The following RNMT variants were observed in gnomAD, a reference collection of about 807,000 sequenced individuals.
RNMT encodes RNA guanine-7 methyltransferase, also known as mRNA cap guanine-N(7) methyltransferase.
RNMT carries 27 observed loss-of-function variants against 56.0 expected under a neutral mutation model. The observed-to-expected ratio is 0.48, with a 90% confidence interval of 0.36 to 0.67. RNMT has a LOEUF of 0.67. Ranked by LOEUF, RNMT falls within the 30% of genes least tolerant of loss-of-function variation. RNMT has a pLI of 0.00. For missense variants in RNMT, 519 were observed against 552.1 expected (o/e 0.94, Z 0.60); for synonymous variants, 184 against 176.2 (o/e 1.04, Z -0.35).
intron 1 of RNMT, among the ~76,000 whole-genome samples, chr18:13,729,599 C>G (rs1303708190): frequency 2.0e-5 from 3 of 152,126 alleles, no homozygotes; most frequent in Non-Finnish European, 2.9e-5. Flanking sequence ...TTCTCTGATT[C>G]AGTTCTATTT....
Position 13,731,622 on chromosome 18 carries a change from C to G in RNMT, c.105C>G (p.Asn35Lys). 1 of 1,614,066 alleles carries G rather than the reference C, an allele frequency of 6.2e-7. No individual in the cohort carries two copies. Among genetic ancestry groups the G allele is most frequent in the Non-Finnish European group, 8.5e-7 (1 of 1,179,992 alleles). Reference sequence around the variant, plus strand: ...AGTCTTCATTCAATATTAATGAAAACACAACAGCTTCTGGGACTGGGCTTT... The same window carrying G: ...AGTCTTCATTCAATATTAATGAAAAGACAACAGCTTCTGGGACTGGGCTTT... ...ETESSFNINE[N>K]TTASGTGLSE... Residue 35 changes from asparagine to lysine, a missense_variant, in exon 3 of 12, where the codon AAC becomes AAG. Asn to Lys is a moderately conservative substitution (Grantham distance 94). Transcript: ENST00000383314.
intron 11 of RNMT, among the ~76,000 whole-genome samples, chr18:13,755,359 G>A (rs114811535): frequency 0.014 from 2,160 of 152,274 alleles, 48 homozygotes; most frequent in African/African-American, 0.049. Flanking sequence ...TGCGTGTAAC[G>A]TTTTTAATCC....
chr18:13,758,745 G>A (rs1180890572), intron 11 of RNMT, among the ~76,000 whole-genome samples: 2 of 152,046 alleles, frequency 1.3e-5, no homozygotes, highest in African/African-American at 2.4e-5. Context: ...CATTCATAAC[G>A]GCTGATTTCA....
At chr18:13,746,119 C>G (rs1311771423) in intron 8 of RNMT, 101 bp from the exon 9 acceptor site, 2 of 663,376 alleles carry the variant, frequency 3.0e-6, no homozygotes, top group Non-Finnish European at 5.4e-6. Context: ...GGAGTGGTAG[C>G]TTTTTTAGTT....
At chr18:13,734,757 A>G (rs2044131253) in intron 4 of RNMT, among the ~76,000 whole-genome samples, 158 bp downstream of exon 4, 2 of 152,190 alleles carry the variant, frequency 1.3e-5, no homozygotes, top group African/African-American at 2.4e-5. Context: ...GTGTTTAATT[A>G]TTATGTTAAT....
At chr18:13,733,660 G>T (rs770109540) in intron 3 of RNMT, among the ~76,000 whole-genome samples, 3 of 152,184 alleles carry the variant, frequency 2.0e-5, no homozygotes, top group Non-Finnish European at 4.4e-5. Flanking sequence ...TTATAGGTAT[G>T]AGCCACCTCA....
chr18:13,735,500 CTTTTT>C (rs5823269), intron 4 of RNMT, among the ~76,000 whole-genome samples: 1 of 138,266 alleles, frequency 7.2e-6, no homozygotes, highest in Non-Finnish European at 1.5e-5. Flanking sequence ...TGAGTGTTCA[CTTTTT>C]TTTTTTTTTT....
intron 11 of RNMT, 43 bp downstream of exon 11, chr18:13,754,190 T>G: frequency 7.3e-7 from 1 of 1,365,854 alleles, no homozygotes; most frequent in Non-Finnish European, 1.0e-6. Context: ...ATTTCAAAAG[T>G]CCTGTTTCAA....
At chr18:13,740,635 G>A (rs2044237418) in intron 6 of RNMT, among the ~76,000 whole-genome samples, 1 of 152,198 alleles carries the variant, frequency 6.6e-6, no homozygotes, top group Admixed American at 6.5e-5. Context: ...GCCTCCCATA[G>A]TGCTGGGATT....
chr18:13,736,900 AGTTTAT>A, intron 4 of RNMT, 104 bp from the exon 5 acceptor site: 1 of 850,686 alleles, frequency 1.2e-6, no homozygotes, highest in Non-Finnish European at 1.8e-6. Flanking sequence ...GATGTGTAAT[AGTTTAT>A]GTTACATATT....
chr18:13,736,733 T>C (rs2044163309), intron 4 of RNMT, among the ~76,000 whole-genome samples: 1 of 152,208 alleles, frequency 6.6e-6, no homozygotes, highest in Admixed American at 6.5e-5. Flanking sequence ...ATTTTAAATA[T>C]CTGCTATTTA....
rs1441290290 is a variant in RNMT, at chr18:13,759,984, A to G, written c.*5A>G. 3 of 1,613,138 alleles carry G rather than the reference A, an allele frequency of 1.9e-6. No individual in the cohort carries two copies. The highest frequency in any genetic ancestry group is 2.5e-6 in the Non-Finnish European group (3 of 1,179,454). ...GCCTTTGAGAAACAGCAGTGAGCACATAGGCAGTAGTCCCAGAGGGGCCGT... is the reference window on the plus strand; with the variant it reads ...GCCTTTGAGAAACAGCAGTGAGCACGTAGGCAGTAGTCCCAGAGGGGCCGT... On this transcript the variant is annotated 3_prime_UTR_variant, in exon 12 of 12. Coordinates refer to ENST00000383314, the MANE Select transcript of RNMT (RefSeq NM_003799.3).
Position 13,762,108 on chromosome 18 carries a change from C to T in RNMT, c.*2129C>T. 2 of 1,536,062 alleles carry T rather than the reference C, an allele frequency of 1.3e-6. No individual in the cohort carries two copies. Among genetic ancestry groups the T allele is most frequent in the Non-Finnish European group, 1.7e-6 (2 of 1,146,852 alleles). On this transcript the variant is annotated 3_prime_UTR_variant, in exon 12 of 12. Coordinates refer to ENST00000383314, the MANE Select transcript of RNMT (RefSeq NM_003799.3). ...GGGCCAGGAAGAGCACCTGTTGCTG[C>T]AAGCTCAGTGAAGTGGGGCACTCCC...
Position 13,752,359 on chromosome 18 carries a change from T to G in RNMT, c.1291T>G (p.Ser431Ala), listed in dbSNP as rs149656559. The stretch of plus-strand genomic sequence containing the variant: ...TGCAAATGAGAGTTCTAAACTTGTC[T>G]CTGAGAAGGTGGATGACTATGAACA... ...YPANESSKLV[S>A]EKVDDYEHAA... is the part of the protein sequence containing the mutation. The change falls in exon 10 of 12, where the codon TCT becomes GCT. Residue 431 changes from serine to alanine, a missense_variant. Ser to Ala is a moderately conservative substitution (Grantham distance 99). Coordinates refer to ENST00000383314, the MANE Select transcript of RNMT (RefSeq NM_003799.3). 1.6e-4 allele frequency: 264 copies of G among 1,613,190 alleles called. No individual in the cohort carries two copies. The highest frequency in any genetic ancestry group is 2.1e-4 in the Non-Finnish European group (250 of 1,179,370).
chr18:13,742,164 C>T (rs2044261487), intron 7 of RNMT, among the ~76,000 whole-genome samples: 1 of 152,034 alleles, frequency 6.6e-6, no homozygotes, highest in African/African-American at 2.4e-5. Flanking sequence ...CATAGTGAGA[C>T]CTTGTCTTTA....
Position 13,763,421 on chromosome 18 carries a change from G to T in RNMT, c.*3442G>T. On this transcript the variant is annotated 3_prime_UTR_variant, in exon 12 of 12. Transcript: ENST00000383314. ...AGTGCCTGCACCTCACCACGATATT[G>T]AGGAAGCACAGGACATCCAAGGGTA... is the stretch of plus-strand genomic sequence containing the variant. The T allele has an allele frequency of 4.2e-6, 1 of 238,028 alleles. No individual in the cohort carries two copies. The highest frequency in any genetic ancestry group is 8.7e-6 in the Non-Finnish European group (1 of 115,376). 14.7% of individuals were successfully genotyped at this position (238,028 alleles called of 1,614,324 possible).
intron 11 of RNMT, among the ~76,000 whole-genome samples, chr18:13,757,331 AT>A (rs150495265): frequency 0.01 from 1,586 of 152,238 alleles, 16 homozygotes; most frequent in African/African-American, 0.028. Flanking sequence ...TTCACAGAAG[AT>A]TTCTCTGTAG....
rs1371827918 is a variant in RNMT, at chr18:13,731,886, T to G, written c.369T>G (p.Thr123=). 20 of 1,603,254 alleles carry G rather than the reference T, an allele frequency of 1.2e-5. No individual in the cohort carries two copies. The highest frequency in any genetic ancestry group is 1.7e-5 in the Non-Finnish European group (20 of 1,177,710). The stretch of plus-strand genomic sequence containing the variant: ...ATAAATCTTCTACTGGAGATGGCAC[T>G]CAAAATAAGAGAAAAATAGCACTTG... ...PKDKSSTGDG[T]QNKRKIALED... is the part of the protein sequence containing the mutation. Residue 123 remains threonine, a synonymous_variant, in exon 3 of 12, where the codon ACT becomes ACG. Transcript: ENST00000383314.
chr18:13,749,484 A>G (rs1345298485), intron 9 of RNMT, among the ~76,000 whole-genome samples: 2 of 152,232 alleles, frequency 1.3e-5, no homozygotes, highest in East Asian at 3.8e-4. Context: ...CAGGATGTTT[A>G]TAAAGAAAAG....
Sources: allele counts gnomAD v4.1 joint callset (sites outside exome capture counted in the v4.1 genomes callset), GRCh38; gene constraint gnomAD v4.1.1; transcripts MANE v1.5; gene names NCBI Gene and HGNC (gene_info 2026-07-23, HGNC 2026-07-21).